Variants in PSG4 observed in about 807,000 individuals in gnomAD.
PSG4 encodes the protein pregnancy-specific beta-1-glycoprotein 4.
A neutral mutation model predicts 44.3 loss-of-function variants in PSG4; 61 were observed. That is an observed-to-expected ratio of 1.38 (90% CI 1.12 to 1.70). PSG4 has a LOEUF of 1.70. PSG4 is among the 40% of genes most tolerant of loss of function. The probability of loss-of-function intolerance (pLI) is 0.00; values close to 1 mark genes in which losing one functional copy is unlikely to be tolerated. For missense variants in PSG4, 677 were observed against 511.7 expected (o/e 1.32, Z -3.12); for synonymous variants, 248 against 191.3 (o/e 1.30, Z -2.45).
At position 43,196,587 on chromosome 19, in the gene PSG4, A is replaced by G. The variant is rs568831604; in HGVS notation, c.710-1314T>C. The G allele has an allele frequency of 6.6e-5, 10 of 151,694 alleles. No homozygotes were observed. In the South Asian group the frequency reaches 1.0e-3, roughly 16 times the overall value. The allele number at this position is 151,694 out of a possible 1,614,324, so 9.4% of individuals were successfully genotyped here. On this transcript the variant is annotated intron_variant, in intron 3 of 5. Coordinates refer to ENST00000405312, the MANE Select transcript of PSG4 (RefSeq NM_002780.5). ...CATTTCTTTTCAGCATCAGATTAGTAGGCAAAAGTGGGAGGTGATAAGCCA... is the reference window on the plus strand; with the variant it reads ...CATTTCTTTTCAGCATCAGATTAGTGGGCAAAAGTGGGAGGTGATAAGCCA...
chr19:43,205,610 A>G lies in PSG4; in HGVS notation c.-74T>C, dbSNP rs1011696476. On this transcript the variant is annotated 5_prime_UTR_variant, in exon 1 of 6. Coordinates refer to ENST00000405312, the MANE Select transcript of PSG4 (RefSeq NM_002780.5). Reference sequence around the variant, plus strand: ...CAGAAGCTTCCTGAGTACGGCTGTCAGCTGTGCTGTCCTTCCTCCTTCTGT... The same window carrying G: ...CAGAAGCTTCCTGAGTACGGCTGTCGGCTGTGCTGTCCTTCCTCCTTCTGT... 8.5e-6 allele frequency: 12 copies of G among 1,416,812 alleles called. No homozygotes were observed. Among genetic ancestry groups the G allele is most frequent in the South Asian group, 1.3e-5 (1 of 79,744 alleles). The allele number at this position is 1,416,812 out of a possible 1,614,324, so 87.8% of individuals were successfully genotyped here.
intron 3 of PSG4, 191 bp downstream of exon 3, chr19:43,197,806 G>A: frequency 8.5e-7 from 1 of 1,176,538 alleles, no homozygotes; most frequent in Admixed American, 2.7e-5. Flanking sequence ...GACAGGAGCA[G>A]CCTCTTTTCT....
In PSG4 at chr19:43,200,401, C is replaced by CA. The variant is rs1433173377; in HGVS notation, c.431-2127dup. Among the ~76,000 whole-genome samples, 10 of 142,338 alleles carry CA rather than the reference C, an allele frequency of 7.0e-5. 3 individuals carry two copies. Among genetic ancestry groups the CA allele is most frequent in the Admixed American group, 5.6e-4 (8 of 14,366 alleles). The allele number at this position is 142,338 out of a possible 152,430, so 93.4% of individuals were successfully genotyped here. A position where few individuals can be genotyped will look rare whatever the true frequency, so the allele number is the denominator to read the frequency against. The stretch of plus-strand genomic sequence containing the variant: ...TACAAAATTTAAAAATTGCTATTGT[C>CA]AAAAAAAATATTAAATATGAAGGCG... On this transcript the variant is annotated intron_variant, in intron 2 of 5. Transcript: ENST00000405312.
chr19:43,201,384 C>T lies in PSG4; in HGVS notation c.430+2502G>A, dbSNP rs1303767053. Reference sequence around the variant, plus strand: ...AAAATGTAGGCACAGTTTATGTAATCCCTGACTGCTCCAGTGTCATTTGGC... The same window carrying T: ...AAAATGTAGGCACAGTTTATGTAATTCCTGACTGCTCCAGTGTCATTTGGC... On this transcript the variant is annotated intron_variant, in intron 2 of 5. Coordinates refer to ENST00000405312, the MANE Select transcript of PSG4 (RefSeq NM_002780.5). Among the ~76,000 whole-genome samples, 2 of 145,644 alleles carry T rather than the reference C, an allele frequency of 1.4e-5. 1 individual carries two copies. The highest frequency in any genetic ancestry group is 3.0e-5 in the Non-Finnish European group (2 of 67,192).
In PSG4 at chr19:43,200,958, A is replaced by G. The variant is rs541261929; in HGVS notation, c.431-2683T>C. On this transcript the variant is annotated intron_variant, in intron 2 of 5. Coordinates refer to ENST00000405312, the MANE Select transcript of PSG4 (RefSeq NM_002780.5). ...TTAAGCTTGTTATATGCCTGACAGGAAGCCAGAAGTCTCTAGGAAGTGACA... is the reference window on the plus strand; with the variant it reads ...TTAAGCTTGTTATATGCCTGACAGGGAGCCAGAAGTCTCTAGGAAGTGACA... Among the ~76,000 whole-genome samples, 5 of 146,136 alleles carry G rather than the reference A, an allele frequency of 3.4e-5. 1 individual carries two copies. The East Asian group carries it at 1.2e-3, about 34-fold the overall frequency.
chr19:43,193,393 A>T lies in PSG4; in HGVS notation c.1244-5T>A, dbSNP rs1246078311. The stretch of plus-strand genomic sequence containing the variant: ...GAATTCAGGGTAATATCCAGTCTAC[A>T]GGTGGATAATAAAAACACAGAAACA... On this transcript the variant is annotated splice_region_variant and splice_polypyrimidine_tract_variant and intron_variant, in intron 5 of 5. Coordinates refer to ENST00000405312, the MANE Select transcript of PSG4 (RefSeq NM_002780.5). The T allele has an allele frequency of 7.8e-6, 6 of 770,868 alleles. No homozygotes were observed. Among genetic ancestry groups the T allele is most frequent in the African/African-American group, 1.7e-5 (1 of 58,840 alleles). 47.8% of individuals were successfully genotyped at this position (770,868 alleles called of 1,614,324 possible). A position where few individuals can be genotyped will look rare whatever the true frequency, so the allele number is the denominator to read the frequency against.
chr19:43,194,256 T>C, intron 5 of PSG4, 84 bp downstream of exon 5: 2 of 1,606,220 alleles, frequency 1.2e-6, no homozygotes, highest in Non-Finnish European at 1.7e-6. Flanking sequence ...AGGCTGGGAA[T>C]AAAAATGTTT....
At chr19:43,205,353 C>G (rs1040667198) in intron 1 of PSG4, 120 bp downstream of exon 1, 2 of 1,229,946 alleles carry the variant, frequency 1.6e-6, no homozygotes, top group Non-Finnish European at 2.2e-6. Context: ...CTGATCCACC[C>G]AACTCAGCCT....
Position 43,193,382 on chromosome 19 carries a change from A to G in PSG4, c.1250T>C (p.Ile417Thr), listed in dbSNP as rs147632606. 516 of 764,906 alleles carry G rather than the reference A, an allele frequency of 6.7e-4. 17 individuals are homozygous for G. Among genetic ancestry groups the G allele is most frequent in the African/African-American group, 6.7e-3 (379 of 56,880 alleles). 47.4% of individuals were successfully genotyped at this position (764,906 alleles called of 1,614,324 possible). A position where few individuals can be genotyped will look rare whatever the true frequency, so the allele number is the denominator to read the frequency against. The change falls in exon 6 of 6, where the codon ATA becomes ACA. Residue 417 changes from isoleucine to threonine, a missense_variant. By Grantham distance (89) the Ile-to-Thr change is moderately conservative. Transcript: ENST00000405312. ...KSITVKVSDW[I>T]LP is the part of the protein sequence containing the mutation. ...AGGAACTAGTAGAATTCAGGGTAAT[A>G]TCCAGTCTACAGGTGGATAATAAAA...
chr19:43,195,164 C>G lies in PSG4; in HGVS notation c.819G>C (p.Trp273Cys), dbSNP rs141102959. Residue 273 changes from tryptophan to cysteine, a missense_variant, in exon 4 of 6, where the codon TGG becomes TGC. Transcript: ENST00000405312. ...CAGGGAGGCTCTGACCATTTAGCCA[C>G]CAAATGTAGGTGTAGTTCTTACTCT... ...EPKSKNYTYI[W>C]WLNGQSLPVS... 17 of 1,610,256 alleles carry G rather than the reference C, an allele frequency of 1.1e-5. No homozygotes were observed. The East Asian group carries it at 2.0e-4, about 19-fold the overall frequency.
chr19:43,205,176 T>C lies in PSG4; in HGVS notation c.64+297A>G, dbSNP rs967038313. ...AGGCTGGTGTGCAGTAGTGCTATCT[T>C]GGCTAGCTGCAACTTCTGCCTCGTG... is the stretch of plus-strand genomic sequence containing the variant. On this transcript the variant is annotated intron_variant, in intron 1 of 5. Transcript: ENST00000405312. Among the ~76,000 whole-genome samples, 16 of 132,192 alleles carry C rather than the reference T, an allele frequency of 1.2e-4. 1 individual carries two copies. The highest frequency in any genetic ancestry group is 7.7e-4 in the South Asian group (3 of 3,914). 86.7% of individuals were successfully genotyped at this position (132,192 alleles called of 152,430 possible). A position where few individuals can be genotyped will look rare whatever the true frequency, so the allele number is the denominator to read the frequency against.
intron 5 of PSG4, chr19:43,194,130 T>C (rs1967123169): frequency 1.4e-6 from 2 of 1,403,728 alleles, no homozygotes; most frequent in Non-Finnish European, 9.6e-7. Context: ...TCCTGCTTGG[T>C]CTAGGCTGGG....
In PSG4 at chr19:43,194,095, A is replaced by T; in HGVS notation, c.1243+245T>A. On this transcript the variant is annotated intron_variant, in intron 5 of 5. Transcript: ENST00000405312. ...AAAAATATTATCCTCAATATTGTCA[A>T]TTATTTCAATGAAATCAATGTTTCT... is the stretch of plus-strand genomic sequence containing the variant. 3 of 1,263,122 alleles carry T rather than the reference A, an allele frequency of 2.4e-6. No homozygotes were observed. In the East Asian group the frequency reaches 7.5e-5, roughly 32 times the overall value. The allele number at this position is 1,263,122 out of a possible 1,614,324, so 78.2% of individuals were successfully genotyped here.
At chr19:43,201,871 T>A (rs1156830124) in intron 2 of PSG4, among the ~76,000 whole-genome samples, 2 of 144,004 alleles carry the variant, frequency 1.4e-5, no homozygotes, top group Non-Finnish European at 3.0e-5. Flanking sequence ...GTCTGGCAAT[T>A]ATGAGTGGAT....
chr19:43,198,481 G>T (rs1967357403), intron 2 of PSG4: 1 of 973,726 alleles, frequency 1.0e-6, no homozygotes, highest in East Asian at 4.2e-5. Flanking sequence ...GAGAAGCACA[G>T]ACTTTCTTAG....
At chr19:43,204,699 C>CCCCGCCT (rs58719697) in intron 1 of PSG4, 3 of 191,528 alleles carry the variant, frequency 1.6e-5, no homozygotes, top group Non-Finnish European at 2.8e-5. Flanking sequence ...TGTCTTCCCC[C>CCCCGCCT]CACGATGACT....
chr19:43,193,936 A>G (rs541268676), intron 5 of PSG4: 4 of 752,982 alleles, frequency 5.3e-6, no homozygotes, highest in Middle Eastern at 3.8e-4. Flanking sequence ...GCAAAAGTAA[A>G]TGTTTCAATT....
rs984036066 is a variant in PSG4, at chr19:43,193,455, A to G, written c.1244-67T>C. On this transcript the variant is annotated intron_variant, in intron 5 of 5. Transcript: ENST00000405312. ...TGCAATCTCATAACCGGTGTACTAC[A>G]GTTTTTATTTTCCACATAATTTTTC... The G allele has an allele frequency of 2.1e-5, 16 of 763,784 alleles. 1 individual carries two copies. The highest frequency in any genetic ancestry group is 2.3e-4 in the Middle Eastern group (1 of 4,430). The allele number at this position is 763,784 out of a possible 1,614,324, so 47.3% of individuals were successfully genotyped here. A position where few individuals can be genotyped will look rare whatever the true frequency, so the allele number is the denominator to read the frequency against.
rs1159213563 is a variant in PSG4 at position 43,192,820 on chromosome 19, A to G, written c.*552T>C. Reference sequence around the variant, plus strand: ...ACAATGTGCATTTAAAGGAGACTCTACTATAATTTCAGCTTTCCTACTCTT... The same window carrying G: ...ACAATGTGCATTTAAAGGAGACTCTGCTATAATTTCAGCTTTCCTACTCTT... On this transcript the variant is annotated 3_prime_UTR_variant, in exon 6 of 6. Transcript: ENST00000405312. 1 of 216,662 alleles carries G rather than the reference A, an allele frequency of 4.6e-6. No homozygotes were observed. The highest frequency in any genetic ancestry group is 9.2e-6 in the Non-Finnish European group (1 of 108,406). 13.4% of individuals were successfully genotyped at this position (216,662 alleles called of 1,614,324 possible).
Sources: gnomAD v4.1 joint callset for allele counts (sites outside exome capture counted in the v4.1 genomes callset) on GRCh38, gnomAD v4.1.1 for gene constraint, MANE v1.5 for transcripts, NCBI Gene and HGNC (gene_info 2026-07-23, HGNC 2026-07-21) for gene names.